ADAMTSL3: variants seen among roughly 807,000 people sequenced by gnomAD.
ADAMTSL3 encodes the protein ADAMTS-like protein 3.
ADAMTSL3 carries 128 observed loss-of-function variants against 201.7 expected under a neutral mutation model. The ratio of observed to expected loss-of-function variants is 0.63; its 90% CI spans 0.55 to 0.73. The LOEUF (loss-of-function observed/expected upper bound fraction) is 0.73, where lower values mean the gene tolerates loss of function less well. ADAMTSL3 is among the 30% of genes least tolerant of loss of function. The pLI is 0.00. For missense variants in ADAMTSL3, 1,990 were observed against 2,119.6 expected (o/e 0.94, Z 1.20); for synonymous variants, 738 against 748.4 (o/e 0.99, Z 0.23).
chr15:83,848,082 A>C (rs2064537816), intron 7 of ADAMTSL3, among the ~76,000 whole-genome samples: 1 of 152,128 alleles, frequency 6.6e-6, no homozygotes, highest in Admixed American at 6.5e-5. Context: ...GAAGGAGAAA[A>C]TAAATGCAGG....
chr15:83,704,113 G>T (rs1728741055), intron 2 of ADAMTSL3, among the ~76,000 whole-genome samples: 1 of 152,156 alleles, frequency 6.6e-6, no homozygotes, highest in Non-Finnish European at 1.5e-5. Flanking sequence ...TGGAAGATGG[G>T]GAGCAGAGGT....
chr15:83,897,698 A>C (rs1296846696), intron 13 of ADAMTSL3, among the ~76,000 whole-genome samples, 160 bp from the exon 14 acceptor site: 2 of 152,222 alleles, frequency 1.3e-5, no homozygotes, highest in Non-Finnish European at 2.9e-5. Context: ...CAAGTATCAC[A>C]GAAAATTAGC....
intron 9 of ADAMTSL3, among the ~76,000 whole-genome samples, chr15:83,880,237 A>G (rs926814485): frequency 6.6e-6 from 1 of 151,998 alleles, no homozygotes; most frequent in African/African-American, 2.4e-5. Context: ...GCTCTTTGTT[A>G]TGTATTTATA....
intron 17 of ADAMTSL3, among the ~76,000 whole-genome samples, chr15:83,934,394 CA>C (rs1200104846): frequency 6.6e-6 from 1 of 152,222 alleles, no homozygotes; most frequent in African/African-American, 2.4e-5. Flanking sequence ...TGTATTTACA[CA>C]ATGCCTGTAC....
At chr15:83,829,277 T>G (rs1340896574) in intron 6 of ADAMTSL3, among the ~76,000 whole-genome samples, 2 of 152,214 alleles carry the variant, frequency 1.3e-5, no homozygotes, top group African/African-American at 4.8e-5. Flanking sequence ...GTCCAGGAAT[T>G]TATCCATTTC....
At chr15:83,716,664 T>G (rs2062024749) in intron 3 of ADAMTSL3, among the ~76,000 whole-genome samples, 1 of 152,164 alleles carries the variant, frequency 6.6e-6, no homozygotes, top group Admixed American at 6.5e-5. Flanking sequence ...TATTTTTCAC[T>G]CTTTTCCTAC....
At chr15:83,985,727 G>C (rs575485398) in intron 21 of ADAMTSL3, among the ~76,000 whole-genome samples, 1 of 151,998 alleles carries the variant, frequency 6.6e-6, no homozygotes, top group Non-Finnish European at 1.5e-5. Context: ...CTGCCTCCTC[G>C]TTTCAAGTGA....
chr15:83,821,812 G>C (rs1477688038), intron 6 of ADAMTSL3, among the ~76,000 whole-genome samples: 1 of 151,650 alleles, frequency 6.6e-6, no homozygotes, highest in Non-Finnish European at 1.5e-5. Context: ...CTTCCCAGTA[G>C]GGGCGGCCGG....
intron 4 of ADAMTSL3, among the ~76,000 whole-genome samples, chr15:83,791,046 T>A (rs1439077894): frequency 2.0e-5 from 3 of 152,128 alleles, no homozygotes; most frequent in Non-Finnish European, 4.4e-5. Context: ...GTGAAAGATC[T>A]CTACAATGAA....
chr15:83,815,981 G>A (rs1319016440), intron 5 of ADAMTSL3, among the ~76,000 whole-genome samples: 2 of 152,220 alleles, frequency 1.3e-5, no homozygotes, highest in African/African-American at 2.4e-5. Flanking sequence ...CATATGCTAA[G>A]AACAGAAGTC....
At chr15:84,019,439 G>A (rs1403205437) in intron 25 of ADAMTSL3, among the ~76,000 whole-genome samples, 2 of 152,110 alleles carry the variant, frequency 1.3e-5, no homozygotes, top group Non-Finnish European at 2.9e-5. Context: ...CTTTGTTCAT[G>A]AATGTTCAAC....
At chr15:83,939,912 G>A (rs1001968499) in intron 17 of ADAMTSL3, among the ~76,000 whole-genome samples, 1 of 152,054 alleles carries the variant, frequency 6.6e-6, no homozygotes, top group Non-Finnish European at 1.5e-5. Context: ...ATGAGCCACC[G>A]CACCCCGCCA....
chr15:83,668,228 T>C (rs1458418965), intron 2 of ADAMTSL3, among the ~76,000 whole-genome samples: 11 of 152,016 alleles, frequency 7.2e-5, no homozygotes, highest in Non-Finnish European at 4.4e-5. Context: ...GCCCAACATA[T>C]GCATAGTTAA....
intron 4 of ADAMTSL3, among the ~76,000 whole-genome samples, chr15:83,787,233 T>C: frequency 6.6e-6 from 1 of 152,230 alleles, no homozygotes; most frequent in East Asian, 1.9e-4. Flanking sequence ...TTTATTCCGC[T>C]GTATTGTTTT....
At chr15:83,929,753 GAGAC>G (rs900743625) in intron 17 of ADAMTSL3, among the ~76,000 whole-genome samples, 73 of 148,816 alleles carry the variant, frequency 4.9e-4, no homozygotes, top group Non-Finnish European at 1.3e-4. Context: ...CACACACAGA[GAGAC>G]AGAGAGAGAC....
intron 23 of ADAMTSL3, among the ~76,000 whole-genome samples, chr15:84,005,605 C>T (rs1056619743): frequency 1.3e-5 from 2 of 152,284 alleles, no homozygotes; most frequent in Admixed American, 1.3e-4. Context: ...GTGTGGTGCT[C>T]ATGAGATATG....
At position 83,773,624 on chromosome 15, in the gene ADAMTSL3, T is replaced by C. The variant is rs2063023228; in HGVS notation, c.291T>C (p.Tyr97=). Residue 97 remains tyrosine (Y), a synonymous_variant, in exon 4 of 30, where the codon TAT becomes TAC. Coordinates refer to ENST00000286744, the MANE Select transcript of ADAMTSL3 (RefSeq NM_207517.3). ...CSRTCGGGAS[Y]SLRRCLTGRN... ...GGACCTGTGGGGGAGGAGCATCATA[T>C]TCTCTGCGGAGATGTTTGACTGGAA... The C allele has an allele frequency of 1.2e-6, 2 of 1,611,288 alleles. No homozygotes were observed. Among genetic ancestry groups the C allele is most frequent in the African/African-American group, 1.3e-5 (1 of 74,828 alleles).
chr15:83,689,844 ATTAT>A (rs1477108412), intron 2 of ADAMTSL3, among the ~76,000 whole-genome samples: 3 of 152,046 alleles, frequency 2.0e-5, no homozygotes, highest in African/African-American at 7.2e-5. Context: ...AAAGATGAGA[ATTAT>A]TTATACTTTG....
chr15:83,819,195 T>C lies in ADAMTSL3; in HGVS notation c.364-616T>C, dbSNP rs550026937. Among the ~76,000 whole-genome samples the C allele has an allele frequency of 4.8e-4, 67 of 138,472 alleles. No homozygotes were observed. In the East Asian group the frequency reaches 0.012, roughly 25 times the overall value. 90.8% of individuals were successfully genotyped at this position (138,472 alleles called of 152,430 possible). A position where few individuals can be genotyped will look rare whatever the true frequency, so the allele number is the denominator to read the frequency against. ...CTGAAGCAGGAGAATCGCTTGAACCTGGGAGGCGGAGGTTGCAGTGAGCCG... is the reference window on the plus strand; with the variant it reads ...CTGAAGCAGGAGAATCGCTTGAACCCGGGAGGCGGAGGTTGCAGTGAGCCG... On this transcript the variant is annotated intron_variant, in intron 5 of 29. Transcript: ENST00000286744.
Sources: allele counts gnomAD v4.1 joint callset (sites outside exome capture counted in the v4.1 genomes callset), GRCh38; gene constraint gnomAD v4.1.1; transcripts MANE v1.5; gene names NCBI Gene and HGNC (gene_info 2026-07-23, HGNC 2026-07-21).